The following RNF213 variants were observed in gnomAD, a reference collection of about 807,000 sequenced individuals.
RNF213 encodes ring finger protein 213.
Under a neutral mutation model 514.4 loss-of-function variants are expected in RNF213, and 341 were observed. The observed-to-expected ratio is 0.66, with a 90% confidence interval of 0.61 to 0.73. The LOEUF (loss-of-function observed/expected upper bound fraction) is 0.73, where lower values mean the gene tolerates loss of function less well. RNF213 is among the 30% of genes least tolerant of loss of function. RNF213 has a pLI of 0.00. For synonymous variants in RNF213, 2,655 were observed against 2,658.2 expected, an observed-to-expected ratio of 1.00 and a Z score of 0.04; for missense variants, 5,767 against 6,615.6, an observed-to-expected ratio of 0.87 and a Z score of 4.45.
In RNF213 at chr17:80,369,866, A is replaced by G. The variant is rs1399384464; in HGVS notation, c.12424A>G (p.Ser4142Gly). The G allele has an allele frequency of 1.3e-6, 2 of 1,595,342 alleles. No individual in the cohort carries two copies. Among genetic ancestry groups the G allele is most frequent in the South Asian group, 1.1e-5 (1 of 90,692 alleles). Residue 4142 changes from serine to glycine, a missense_variant and splice_region_variant, in exon 46 of 68, where the codon AGC (serine) becomes GGC (glycine). This residue lies in a region of RNF213 where 1,245 missense variants were observed against 1,339.0 expected (regional missense o/e 0.93). Coordinates refer to ENST00000582970, the MANE Select transcript of RNF213 (RefSeq NM_001256071.3). ...GATACTGAAACTGCTTTTGAAGTAC[A>G]GGTAAGAACAACATGGAGACTTGCT... is the stretch of plus-strand genomic sequence containing the variant. The part of the protein sequence containing the change: ...SVILKLLLKY[S>G]FHDVKDYIQE...
At chr17:80,364,619 T>C (rs994599300) in intron 42 of RNF213, 66 bp downstream of exon 42, 5 of 1,603,308 alleles carry the variant, frequency 3.1e-6, no homozygotes, top group East Asian at 4.5e-5. Flanking sequence ...AGAACAGCAC[T>C]GACAGTGATC....
chr17:80,339,106 C>T, intron 25 of RNF213, 95 bp from the exon 26 acceptor site: 1 of 1,058,742 alleles, frequency 9.4e-7, no homozygotes, highest in Non-Finnish European at 1.3e-6. Flanking sequence ...GTGGACAGGG[C>T]CGTCTTTTGG....
intron 37 of RNF213, among the ~76,000 whole-genome samples, chr17:80,358,784 C>T (rs1296292653): frequency 2.0e-5 from 3 of 152,178 alleles, no homozygotes; most frequent in African/African-American, 7.2e-5. Flanking sequence ...TGGCGCGTGC[C>T]TGTATTCCCA....
In RNF213 at chr17:80,377,783, G is replaced by C; in HGVS notation, c.13532G>C (p.Cys4511Ser). ...HWYTCPNGHP[C>S]SVGECGRPME... The stretch of plus-strand genomic sequence containing the variant: ...ACAGCTTGTCCCAACGGCCATCCTT[G>C]CTCCGTGGGAGAGGTGAGTCTTGGT... The change falls in exon 54 of 68, where the codon TGC becomes TCC. Residue 4511 changes from cysteine (C) to serine (S), a missense_variant. By Grantham distance (112) the Cys-to-Ser change is moderately radical. Around this residue, in one of 13 missense-constraint regions of RNF213, gnomAD observed 1,245 missense variants for 1,339.0 expected, o/e 0.93. Coordinates refer to ENST00000582970, the MANE Select transcript of RNF213 (RefSeq NM_001256071.3). This position sits in a 1 kb window ranked among gnomAD's most constrained non-coding sequence, Gnocchi z 4.1. 1 of 1,614,166 alleles carries C rather than the reference G, an allele frequency of 6.2e-7. No individual in the cohort carries two copies. The highest frequency in any genetic ancestry group is 1.1e-5 in the South Asian group (1 of 91,080).
rs568680037 is a variant in RNF213, at chr17:80,350,369, G to A, written c.10157G>A (p.Arg3386His). The A allele has an allele frequency of 1.6e-5, 26 of 1,610,612 alleles. No homozygotes were observed. The highest frequency in any genetic ancestry group is 3.3e-5 in the Admixed American group (2 of 60,014). ...CAGACAGATTTTGAAGATGGAATCC[G>A]TAGCGCCCAGCTCATTGCCTCAGCT... ...IFQTDFEDGI[R>H]SAQLIASAKY... Residue 3386 changes from arginine to histidine, a missense_variant, in exon 31 of 68, where the codon CGT becomes CAT. Physicochemically the swap from Arg to His is conservative, Grantham distance 29. Coordinates refer to ENST00000582970, the MANE Select transcript of RNF213 (RefSeq NM_001256071.3).
chr17:80,266,965 C>A (rs1296064513), intron 2 of RNF213, among the ~76,000 whole-genome samples: 1 of 152,088 alleles, frequency 6.6e-6, no homozygotes, highest in Non-Finnish European at 1.5e-5. Context: ...AAAAGTGCCC[C>A]CAGCACTTTG....
chr17:80,362,235 A>G (rs535723190), intron 39 of RNF213, among the ~76,000 whole-genome samples: 1 of 152,364 alleles, frequency 6.6e-6, no homozygotes, highest in African/African-American at 2.4e-5. Flanking sequence ...AACAAGTGAA[A>G]TTCAATAGAA....
intron 10 of RNF213, among the ~76,000 whole-genome samples, chr17:80,296,081 G>A (rs2044933402): frequency 1.3e-5 from 2 of 152,066 alleles, no homozygotes; most frequent in Admixed American, 6.6e-5. Context: ...GTACAGTGGC[G>A]CAATCTTGGC....
intron 65 of RNF213, 42 bp from the exon 66 acceptor site, chr17:80,389,785 GT>G (rs1422897780): frequency 1.3e-6 from 2 of 1,521,042 alleles, no homozygotes; most frequent in African/African-American, 1.4e-5. Flanking sequence ...GAGTGGGGGT[GT>G]GAGACCTCAG....
At position 80,294,756 on chromosome 17, in the gene RNF213, C is replaced by A. The variant is rs1011062277; in HGVS notation, c.1508C>A (p.Pro503His). The A allele has an allele frequency of 1.9e-6, 3 of 1,614,100 alleles. No homozygotes were observed. In the South Asian group the frequency reaches 3.3e-5, roughly 18 times the overall value. Residue 503 changes from proline (P) to histidine (H), a missense_variant, in exon 9 of 68, where the codon CCT becomes CAT. Pro to His is a moderately conservative substitution (Grantham distance 77, BLOSUM62 -2). Coordinates refer to ENST00000582970, the MANE Select transcript of RNF213 (RefSeq NM_001256071.3). Reference protein sequence around the residue: ...HQYYDIVYMKPHGRLQKVMNH... With the variant: ...HQYYDIVYMKHHGRLQKVMNH... ...TACTATGACATAGTTTATATGAAGC[C>A]TCATGGGAGACTCCAGAAAGTCATG...
chr17:80,390,414 C>T (rs965655914), intron 67 of RNF213, among the ~76,000 whole-genome samples: 4 of 152,062 alleles, frequency 2.6e-5, no homozygotes, highest in African/African-American at 9.7e-5. Flanking sequence ...AGAGTCTTGC[C>T]CTGTTACCCA....
At position 80,313,152 on chromosome 17, in the gene RNF213, C is replaced by T. The variant is rs144083500; in HGVS notation, c.2796C>T (p.Tyr932=). ...CATCTTCAGGTGCCTCATTCACATA[C>T]GTCAAGGAAATTGAGGTAGGCATTT... The part of the protein sequence containing the change: ...MLTSSGASFT[Y]VKEIEVWRRL... The change falls in exon 15 of 68, where the codon TAC becomes TAT. Residue 932 remains tyrosine (Y), a synonymous_variant. Transcript: ENST00000582970. 632 of 1,614,110 alleles carry T rather than the reference C, an allele frequency of 3.9e-4. No homozygotes were observed. The highest frequency in any genetic ancestry group is 8.7e-4 in the Admixed American group (52 of 60,030).
intron 2 of RNF213, among the ~76,000 whole-genome samples, chr17:80,266,645 G>T (rs1436344792): frequency 6.6e-6 from 1 of 151,954 alleles, no homozygotes; most frequent in Non-Finnish European, 1.5e-5. Context: ...GGGATTACAG[G>T]CGTGAGGCAC....
At chr17:80,298,930 G>T (rs1309368272) in intron 11 of RNF213, among the ~76,000 whole-genome samples, 1 of 152,158 alleles carries the variant, frequency 6.6e-6, no homozygotes, top group Non-Finnish European at 1.5e-5. Flanking sequence ...AGTGAGCTGG[G>T]ATCATGCTAC....
Position 80,356,115 on chromosome 17 carries a change from C to T in RNF213, c.10862+1539C>T, listed in dbSNP as rs1476838053. Among the ~76,000 whole-genome samples, 5 of 152,026 alleles carry T rather than the reference C, an allele frequency of 3.3e-5. No homozygotes were observed. In the East Asian group the frequency reaches 9.7e-4, roughly 29 times the overall value. Reference sequence around the variant, plus strand: ...CTCCTGGGTTCAAGCGATTCTCCTGCCTCAGACTCCTGAGTAGCTGAGACT... The same window carrying T: ...CTCCTGGGTTCAAGCGATTCTCCTGTCTCAGACTCCTGAGTAGCTGAGACT... On this transcript the variant is annotated intron_variant, in intron 36 of 67. Coordinates refer to ENST00000582970, the MANE Select transcript of RNF213 (RefSeq NM_001256071.3).
intron 18 of RNF213, among the ~76,000 whole-genome samples, chr17:80,325,433 T>C (rs2046254635): frequency 6.6e-6 from 1 of 152,182 alleles, no homozygotes; most frequent in Non-Finnish European, 1.5e-5. Flanking sequence ...CCCTAGCGAC[T>C]GTGCTGGGTC....
intron 20 of RNF213, among the ~76,000 whole-genome samples, chr17:80,328,826 C>T (rs1220414526): frequency 5.9e-5 from 9 of 152,116 alleles, no homozygotes; most frequent in Non-Finnish European, 1.2e-4. Flanking sequence ...TTTCTCATAA[C>T]GGAGTTGCAT....
At chr17:80,386,116 G>A (rs944684730) in intron 61 of RNF213, 134 bp from the exon 62 acceptor site, 1 of 797,076 alleles carries the variant, frequency 1.3e-6, no homozygotes. Context: ...ATCAGCATAT[G>A]AGATGGGGCA....
At position 80,313,074 on chromosome 17, in the gene RNF213, C is replaced by A. The variant is rs776923595; in HGVS notation, c.2718C>A (p.Thr906=). 30 of 1,613,972 alleles carry A rather than the reference C, an allele frequency of 1.9e-5. No individual in the cohort carries two copies. The highest frequency in any genetic ancestry group is 1.6e-4 in the East Asian group (7 of 44,902). ...NNSVQTVFQG[T]LAATKRWLRE... Reference sequence around the variant, plus strand: ...CAGTCCAAACAGTCTTCCAAGGGACCCTTGCTGCTACGAAAAGGTGGCTCC... The same window carrying A: ...CAGTCCAAACAGTCTTCCAAGGGACACTTGCTGCTACGAAAAGGTGGCTCC... Residue 906 remains threonine, a synonymous_variant, in exon 15 of 68, where the codon ACC becomes ACA. Coordinates refer to ENST00000582970, the MANE Select transcript of RNF213 (RefSeq NM_001256071.3).
Sources: gnomAD v4.1 joint callset for allele counts (sites outside exome capture counted in the v4.1 genomes callset) on GRCh38, gnomAD v4.1.1 for gene constraint, gnomAD v4.1.1 regional missense constraint, Gnocchi (gnomAD v3.1) non-coding constraint, MANE v1.5 for transcripts, NCBI Gene and HGNC (gene_info 2026-07-23, HGNC 2026-07-21) for gene names.